Variants in CNTN2 observed in about 807,000 individuals in gnomAD.
CNTN2 encodes contactin-2.
CNTN2 carries 53 observed loss-of-function variants against 117.5 expected under a neutral mutation model. The observed-to-expected ratio is 0.45, with a 90% CI of 0.36 to 0.57. The LOEUF (loss-of-function observed/expected upper bound fraction) is 0.57, where lower values mean the gene tolerates loss of function less well. Ranked by LOEUF, CNTN2 falls within the 20% of genes least tolerant of loss-of-function variation. CNTN2 has a pLI of 0.00. For missense variants in CNTN2, 1,106 were observed against 1,404.3 expected (o/e 0.79, Z 3.39); for synonymous variants, 530 against 561.7 (o/e 0.94, Z 0.80).
intron 19 of CNTN2, 94 bp from the exon 20 acceptor site, chr1:205,071,852 CA>C: frequency 8.2e-7 from 1 of 1,221,180 alleles, no homozygotes. Flanking sequence ...TCACAGGGAC[CA>C]GGATGAGCAA....
In CNTN2 at chr1:205,074,070, T is replaced by C. The variant is rs1574665975; in HGVS notation, c.*305T>C. The C allele has an allele frequency of 1.8e-6, 1 of 570,084 alleles. No individual in the cohort carries two copies. Among genetic ancestry groups the C allele is most frequent in the Non-Finnish European group, 3.1e-6 (1 of 321,350 alleles). 35.3% of individuals were successfully genotyped at this position (570,084 alleles called of 1,614,324 possible). A position where few individuals can be genotyped will look rare whatever the true frequency, so the allele number is the denominator to read the frequency against. On this transcript the variant is annotated 3_prime_UTR_variant, in exon 23 of 23. Transcript: ENST00000331830. ...AACAGGCCCATGGGAAGAAGGGGGT[T>C]TTAAAAACATGTCTTCAACTCAGCA...
chr1:205,062,378 AC>A, intron 9 of CNTN2, 61 bp from the exon 10 acceptor site: 1 of 1,549,968 alleles, frequency 6.5e-7, no homozygotes, highest in Non-Finnish European at 8.7e-7. Flanking sequence ...ACCCCTGCCA[AC>A]CCCTCCTCCC....
In CNTN2 at chr1:205,061,401, G is replaced by A. The variant is rs776509986; in HGVS notation, c.954G>A (p.Gln318=). The A allele has an allele frequency of 6.2e-7, 1 of 1,612,132 alleles. No homozygotes were observed. Among genetic ancestry groups the A allele is most frequent in the African/African-American group, 1.3e-5 (1 of 74,892 alleles). The change falls in exon 8 of 23, where the codon CAG becomes CAA. Residue 318 remains glutamine (Q), a synonymous_variant. Coordinates refer to ENST00000331830, the MANE Select transcript of CNTN2 (RefSeq NM_005076.5). The surrounding 1 kb of genome is among the most constrained non-coding windows in gnomAD (Gnocchi z 4.8). Reference sequence around the variant, plus strand: ...ACTCCAAGGGCCGAGACACCGTGCAGGGCCGCATCATCGTGCAGGGTACAG... The same window carrying A: ...ACTCCAAGGGCCGAGACACCGTGCAAGGCCGCATCATCGTGCAGGGTACAG... The part of the protein sequence containing the change: ...AENSKGRDTV[Q]GRIIVQAQPE...
chr1:205,070,651 T>G, intron 19 of CNTN2, 113 bp downstream of exon 19: 1 of 737,384 alleles, frequency 1.4e-6, no homozygotes, highest in Non-Finnish European at 2.3e-6. Context: ...TTCGCTGACA[T>G]GGCAAACTGA....
At chr1:205,045,670 C>A (rs1163594262) in intron 1 of CNTN2, among the ~76,000 whole-genome samples, 1 of 152,096 alleles carries the variant, frequency 6.6e-6, no homozygotes, top group African/African-American at 2.4e-5. Context: ...ATTCCTAGGG[C>A]AGAACCAGGG....
chr1:205,074,986 G>T lies in CNTN2; in HGVS notation c.*1221G>T. 2.5e-6 allele frequency: 1 copy of T among 398,262 alleles called. No homozygotes were observed. Among genetic ancestry groups the T allele is most frequent in the Non-Finnish European group, 4.4e-6 (1 of 226,054 alleles). The allele number at this position is 398,262 out of a possible 1,614,324, so 24.7% of individuals were successfully genotyped here. On this transcript the variant is annotated 3_prime_UTR_variant, in exon 23 of 23. Transcript: ENST00000331830. ...CTGGGTATACTACCAGTCACAGAACGTCAGAGCTGGAAGAAGCCTTAGAGC... is the reference window on the plus strand; with the variant it reads ...CTGGGTATACTACCAGTCACAGAACTTCAGAGCTGGAAGAAGCCTTAGAGC...
chr1:205,058,789 C>T lies in CNTN2; in HGVS notation c.487+126C>T, dbSNP rs192947275. The stretch of plus-strand genomic sequence containing the variant: ...CCTTAGAAGCACCCATCCCTGGGAC[C>T]CTAACTTTAAATGATCTGTGTTTCC... On this transcript the variant is annotated intron_variant, in intron 5 of 22. Coordinates refer to ENST00000331830, the MANE Select transcript of CNTN2 (RefSeq NM_005076.5). The surrounding 1 kb of genome is among the most constrained non-coding windows in gnomAD (Gnocchi z 4.3). 9.6e-6 allele frequency: 7 copies of T among 728,172 alleles called. No individual in the cohort carries two copies. In the Admixed American group the frequency reaches 1.7e-4, roughly 18 times the overall value. 45.1% of individuals were successfully genotyped at this position (728,172 alleles called of 1,614,324 possible).
In CNTN2 at chr1:205,073,688, C is replaced by T. The variant is rs764275222; in HGVS notation, c.3046C>T (p.Arg1016Cys). ...TSMMVENMAV[R>C]PAPHPGTVIS... ...CATGATGGTGGAGAACATGGCAGTCCGCCCAGCACCACACCCTGGCACCGT... is the reference window on the plus strand; with the variant it reads ...CATGATGGTGGAGAACATGGCAGTCTGCCCAGCACCACACCCTGGCACCGT... The change falls in exon 23 of 23, where the codon CGC becomes TGC. Residue 1016 changes from arginine (R) to cysteine (C), a missense_variant. By Grantham distance (180) the Arg-to-Cys change is radical. Transcript: ENST00000331830. This position sits in a 1 kb window ranked among gnomAD's most constrained non-coding sequence, Gnocchi z 6.3. The T allele has an allele frequency of 1.7e-5, 27 of 1,613,852 alleles. No homozygotes were observed. Among genetic ancestry groups the T allele is most frequent in the African/African-American group, 4.0e-5 (3 of 74,902 alleles).
chr1:205,054,299 G>A (rs2096457584), intron 2 of CNTN2, among the ~76,000 whole-genome samples: 1 of 152,216 alleles, frequency 6.6e-6, no homozygotes, highest in Non-Finnish European at 1.5e-5. Flanking sequence ...GGACTCCACT[G>A]GCATACTTTC....
At chr1:205,070,206 C>A in intron 18 of CNTN2, 145 bp downstream of exon 18, 1 of 811,848 alleles carries the variant, frequency 1.2e-6, no homozygotes. Flanking sequence ...ATTGGCCTCA[C>A]TTCCAGCTCT....
At position 205,076,253 on chromosome 1, in the gene CNTN2, T is replaced by G. The variant is rs1474071452; in HGVS notation, c.*2488T>G. 6.6e-6 allele frequency: 1 copy of G among 152,182 alleles called. No individual in the cohort carries two copies. The highest frequency in any genetic ancestry group is 2.4e-5 in the African/African-American group (1 of 41,434). The allele number at this position is 152,182 out of a possible 1,614,324, so 9.4% of individuals were successfully genotyped here. A position where few individuals can be genotyped will look rare whatever the true frequency, so the allele number is the denominator to read the frequency against. On this transcript the variant is annotated 3_prime_UTR_variant, in exon 23 of 23. Coordinates refer to ENST00000331830, the MANE Select transcript of CNTN2 (RefSeq NM_005076.5). ...GGATAGAACGACAACAAAATAAATG[T>G]TCCTGCAGCCTGAGATTTCAGGTAG...
chr1:205,062,276 T>G, intron 9 of CNTN2, 164 bp from the exon 10 acceptor site: 1 of 1,029,102 alleles, frequency 9.7e-7, no homozygotes, highest in Non-Finnish European at 1.4e-6. Context: ...CTGGGTAATC[T>G]GCATCCTGAG....
intron 9 of CNTN2, 54 bp downstream of exon 9, chr1:205,062,055 G>T: frequency 6.3e-7 from 1 of 1,585,204 alleles, no homozygotes; most frequent in Non-Finnish European, 8.6e-7. Flanking sequence ...TGCTCACTTG[G>T]TTCCCTCCCC....
chr1:205,076,903 CT>C lies in CNTN2; in HGVS notation c.*3143del. Reference sequence around the variant, plus strand: ...AGGCCATGGGGGTAGGTGGGGGTGTCTTTTTCTTTTCATAAAGTAACAACAG... The same window carrying C: ...AGGCCATGGGGGTAGGTGGGGGTGTCTTTTCTTTTCATAAAGTAACAACAG... On this transcript the variant is annotated 3_prime_UTR_variant, in exon 23 of 23. Coordinates refer to ENST00000331830, the MANE Select transcript of CNTN2 (RefSeq NM_005076.5). The C allele has an allele frequency of 6.6e-6, 1 of 152,280 alleles. No homozygotes were observed. 9.4% of individuals were successfully genotyped at this position (152,280 alleles called of 1,614,324 possible).
chr1:205,057,727 TGTC>T, intron 2 of CNTN2, 191 bp from the exon 3 acceptor site: 1 of 523,328 alleles, frequency 1.9e-6, no homozygotes, highest in Admixed American at 3.5e-5. Flanking sequence ...AAATGTAAAA[TGTC>T]GTTCTTCAGT....
In CNTN2 at chr1:205,070,021, G is replaced by A. The variant is rs1654507484; in HGVS notation, c.2391G>A (p.Gly797=). 5 of 1,613,806 alleles carry A rather than the reference G, an allele frequency of 3.1e-6. No homozygotes were observed. Among genetic ancestry groups the A allele is most frequent in the Non-Finnish European group, 4.2e-6 (5 of 1,180,040 alleles). ...KIRSYNRRGD[G]PESLTALVYS... ...GCAGCTACAACCGCCGCGGGGATGG[G>A]CCCGAGAGCCTCACTGCACTCGTGT... is the stretch of plus-strand genomic sequence containing the variant. Residue 797 remains glycine (G), a synonymous_variant, in exon 18 of 23, where the codon GGG becomes GGA. Transcript: ENST00000331830.
chr1:205,062,335 A>G lies in CNTN2; in HGVS notation c.1111-105A>G, dbSNP rs1233873508. 4 of 1,423,198 alleles carry G rather than the reference A, an allele frequency of 2.8e-6. No individual in the cohort carries two copies. In the African/African-American group the frequency reaches 5.7e-5, roughly 20 times the overall value. The allele number at this position is 1,423,198 out of a possible 1,614,324, so 88.2% of individuals were successfully genotyped here. On this transcript the variant is annotated intron_variant, in intron 9 of 22. Transcript: ENST00000331830. ...ACTGGACATATAAGCCATATCCTCT[A>G]GGGATTATCAGCCTAGAGTCTCCAC... is the stretch of plus-strand genomic sequence containing the variant.
Position 205,048,129 on chromosome 1 carries a change from T to C in CNTN2, c.-87+4735T>C, listed in dbSNP as rs2096444912. On this transcript the variant is annotated intron_variant, in intron 1 of 22. Coordinates refer to ENST00000331830, the MANE Select transcript of CNTN2 (RefSeq NM_005076.5). This position sits in a 1 kb window ranked among gnomAD's most constrained non-coding sequence, Gnocchi z 4.1. The stretch of plus-strand genomic sequence containing the variant: ...TTAGTCTCTGCCCACAGCTGGGCTC[T>C]GAACTCCCCTTTGCTACCACCATCC... Among the ~76,000 whole-genome samples, 1 of 152,184 alleles carries C rather than the reference T, an allele frequency of 6.6e-6. No homozygotes were observed. Among genetic ancestry groups the C allele is most frequent in the African/African-American group, 2.4e-5 (1 of 41,436 alleles).
At chr1:205,066,214 A>G in intron 14 of CNTN2, 1 of 615,424 alleles carries the variant, frequency 1.6e-6, no homozygotes, top group Non-Finnish European at 2.8e-6. Context: ...TCCATGTGAC[A>G]GCCTCTGTGA....
Sources: gnomAD v4.1 joint callset for allele counts (sites outside exome capture counted in the v4.1 genomes callset) on GRCh38, gnomAD v4.1.1 for gene constraint, Gnocchi (gnomAD v3.1) non-coding constraint, MANE v1.5 for transcripts, NCBI Gene and HGNC (gene_info 2026-07-23, HGNC 2026-07-21) for gene names.